MAPKAPK5: variants seen among roughly 807,000 people sequenced by gnomAD.
The protein encoded by MAPKAPK5 is MAPK activated protein kinase 5.
A neutral mutation model predicts 65.1 loss-of-function variants in MAPKAPK5; 30 were observed. That is an observed-to-expected ratio of 0.46 (90% confidence interval 0.34 to 0.63). The LOEUF (loss-of-function observed/expected upper bound fraction) is 0.63. MAPKAPK5 is among the 20% of genes least tolerant of loss of function. The pLI is 0.01. For missense variants in MAPKAPK5, 433 were observed against 581.4 expected (o/e 0.74, Z 2.63); for synonymous variants, 179 against 204.6 (o/e 0.87, Z 1.07).
intron 10 of MAPKAPK5, 41 bp from the exon 11 acceptor site, chr12:111,888,447 A>C: frequency 6.2e-7 from 1 of 1,607,224 alleles, no homozygotes; most frequent in Non-Finnish European, 8.5e-7. Flanking sequence ...TTAGGTGCCC[A>C]GCAATGAATA....
Position 111,896,653 on chromosome 12 carries a change from A to G in MAPKAPK5, c.*3592A>G, listed in dbSNP as rs568224868. 1 of 152,334 alleles carries G rather than the reference A, an allele frequency of 6.6e-6. No individual in the cohort carries two copies. The highest frequency in any genetic ancestry group is 1.9e-4 in the East Asian group (1 of 5,190). 9.4% of individuals were successfully genotyped at this position (152,334 alleles called of 1,614,324 possible). A position where few individuals can be genotyped will look rare whatever the true frequency, so the allele number is the denominator to read the frequency against. On this transcript the variant is annotated 3_prime_UTR_variant, in exon 14 of 14. Transcript: ENST00000550735. ...TATAATTCTTATAAAGCAGCAGGTT[A>G]TGCTCTCCTGTTTGCCTACATGATT...
chr12:111,849,489 C>G (rs779909224), intron 1 of MAPKAPK5, among the ~76,000 whole-genome samples: 1 of 150,392 alleles, frequency 6.6e-6, no homozygotes, highest in Non-Finnish European at 1.5e-5. Flanking sequence ...GTCTTAAACT[C>G]CTGACCTTGT....
intron 1 of MAPKAPK5, 57 bp downstream of exon 1, chr12:111,842,826 C>A: frequency 7.9e-7 from 1 of 1,272,534 alleles, no homozygotes; most frequent in South Asian, 3.6e-5. Flanking sequence ...CTTCTCGGCT[C>A]TAGCCTCAAA....
chr12:111,875,337 A>C (rs1187992694), intron 7 of MAPKAPK5, among the ~76,000 whole-genome samples: 1 of 151,824 alleles, frequency 6.6e-6, no homozygotes, highest in South Asian at 2.1e-4. Context: ...GTGGCATGGG[A>C]TTCCTGTTTT....
At chr12:111,868,321 A>G (rs1020016043) in intron 4 of MAPKAPK5, among the ~76,000 whole-genome samples, 10 of 152,226 alleles carry the variant, frequency 6.6e-5, no homozygotes, top group African/African-American at 2.4e-4. Flanking sequence ...TTCTAAGCTT[A>G]CAAAGGAGAG....
rs1193152750 is a variant in MAPKAPK5, at chr12:111,898,571, A to AATAT, written c.*5513_*5516dup. On this transcript the variant is annotated 3_prime_UTR_variant, in exon 14 of 14. Coordinates refer to ENST00000550735, the MANE Select transcript of MAPKAPK5 (RefSeq NM_003668.4). ...AACTTGAGCCCATTTTACTTAACAC[A>AATAT]ATATATCCGTGCATTAGGAAAACTT... 2.6e-5 allele frequency: 4 copies of AATAT among 152,214 alleles called. No homozygotes were observed. Among genetic ancestry groups the AATAT allele is most frequent in the Non-Finnish European group, 5.9e-5 (4 of 68,048 alleles). 9.4% of individuals were successfully genotyped at this position (152,214 alleles called of 1,614,324 possible).
Position 111,900,199 on chromosome 12 carries a change from T to G in MAPKAPK5, c.*7138T>G. ...AATCACTGGAGACAAGAGATGCTCT[T>G]CCATCGTGCAAAACACGATGTTGCC... On this transcript the variant is annotated 3_prime_UTR_variant, in exon 14 of 14. Coordinates refer to ENST00000550735, the MANE Select transcript of MAPKAPK5 (RefSeq NM_003668.4). 2.2e-6 allele frequency: 1 copy of G among 455,974 alleles called. No individual in the cohort carries two copies. The highest frequency in any genetic ancestry group is 4.4e-6 in the Non-Finnish European group (1 of 226,778). 28.2% of individuals were successfully genotyped at this position (455,974 alleles called of 1,614,324 possible).
chr12:111,875,496 C>A (rs1419460136), intron 7 of MAPKAPK5, among the ~76,000 whole-genome samples: 7 of 152,136 alleles, frequency 4.6e-5, no homozygotes, highest in Non-Finnish European at 1.5e-5. Context: ...TCTTGGCCCC[C>A]CCTTAGCAAT....
At chr12:111,847,946 A>G (rs1486991274) in intron 1 of MAPKAPK5, among the ~76,000 whole-genome samples, 1 of 152,218 alleles carries the variant, frequency 6.6e-6, no homozygotes, top group Non-Finnish European at 1.5e-5. Flanking sequence ...TTAGCAGTTC[A>G]TTCTTTTTAT....
intron 13 of MAPKAPK5, among the ~76,000 whole-genome samples, chr12:111,892,110 T>C (rs1439863431): frequency 6.6e-6 from 1 of 152,196 alleles, no homozygotes; most frequent in Non-Finnish European, 1.5e-5. Context: ...TTTTAGTCAT[T>C]ATATTTGTGA....
intron 9 of MAPKAPK5, 67 bp from the exon 10 acceptor site, chr12:111,885,849 C>T: frequency 6.2e-7 from 1 of 1,605,340 alleles, no homozygotes; most frequent in Non-Finnish European, 8.5e-7. Flanking sequence ...AGAGCCAGGT[C>T]CAGGAACTTC....
At chr12:111,866,310 G>T in intron 3 of MAPKAPK5, 79 bp downstream of exon 3, 2 of 1,291,624 alleles carry the variant, frequency 1.5e-6, no homozygotes, top group Non-Finnish European at 1.1e-6. Context: ...CAGCTTCCTA[G>T]AGAGAATACA....
rs537037405 is a variant in MAPKAPK5, at chr12:111,887,405, C to T, written c.970-1083C>T. On this transcript the variant is annotated intron_variant, in intron 10 of 13. Coordinates refer to ENST00000550735, the MANE Select transcript of MAPKAPK5 (RefSeq NM_003668.4). ...GAGGAGATAAGGCCAGGCATGGTGG[C>T]TTACGCCTGTAATCCCAGCAGTTTT... Among the ~76,000 whole-genome samples the T allele has an allele frequency of 3.9e-5, 6 of 152,316 alleles. No individual in the cohort carries two copies. In the South Asian group the frequency reaches 8.3e-4, roughly 21 times the overall value.
chr12:111,886,464 AG>A (rs1407693515), intron 10 of MAPKAPK5, among the ~76,000 whole-genome samples: 2 of 152,250 alleles, frequency 1.3e-5, no homozygotes, highest in Non-Finnish European at 2.9e-5. Flanking sequence ...ACATCTTTGA[AG>A]GGATGTAATT....
chr12:111,852,849 C>T (rs375687158), intron 1 of MAPKAPK5, among the ~76,000 whole-genome samples: 3 of 152,100 alleles, frequency 2.0e-5, no homozygotes, highest in South Asian at 2.1e-4. Flanking sequence ...TCTCGGCTGA[C>T]GGCAACCTCT....
intron 7 of MAPKAPK5, among the ~76,000 whole-genome samples, chr12:111,877,320 GT>G (rs113456336): frequency 2.0e-5 from 3 of 148,312 alleles, no homozygotes; most frequent in East Asian, 2.0e-4. Context: ...TGCCCAGCCT[GT>G]TTTTTTTTTC....
At chr12:111,862,367 A>T (rs938406263) in intron 1 of MAPKAPK5, among the ~76,000 whole-genome samples, 9 of 152,164 alleles carry the variant, frequency 5.9e-5, no homozygotes, top group Non-Finnish European at 1.0e-4. Context: ...TACAAGTTGA[A>T]CTTTCTTGGC....
rs2070963314 is a variant in MAPKAPK5, at chr12:111,899,867, T to C, written c.*6806T>C. 1 of 454,638 alleles carries C rather than the reference T, an allele frequency of 2.2e-6. No homozygotes were observed. The highest frequency in any genetic ancestry group is 4.4e-6 in the Non-Finnish European group (1 of 225,692). The allele number at this position is 454,638 out of a possible 1,614,324, so 28.2% of individuals were successfully genotyped here. On this transcript the variant is annotated 3_prime_UTR_variant, in exon 14 of 14. Coordinates refer to ENST00000550735, the MANE Select transcript of MAPKAPK5 (RefSeq NM_003668.4). ...GTTATACACCATGGCACATCAAGCG[T>C]GAGTCTCCTGTGGTGTCTACTAGCT...
At chr12:111,871,557 C>T (rs745413672) in intron 7 of MAPKAPK5, among the ~76,000 whole-genome samples, 9 of 152,206 alleles carry the variant, frequency 5.9e-5, no homozygotes, top group Non-Finnish European at 1.3e-4. Context: ...GCAGGAGAAT[C>T]GCTTGAACCT....
Sources: gnomAD v4.1 joint callset for allele counts (sites outside exome capture counted in the v4.1 genomes callset) on GRCh38, gnomAD v4.1.1 for gene constraint, MANE v1.5 for transcripts, NCBI Gene and HGNC (gene_info 2026-07-23, HGNC 2026-07-21) for gene names.